RBFOX2: variants seen among roughly 807,000 people sequenced by gnomAD.
RBFOX2 encodes RNA binding protein fox-1 homolog 2.
In RBFOX2, 10 loss-of-function variants were observed where a neutral mutation model predicts 49.1. That is an observed-to-expected ratio of 0.20 (90% CI 0.13 to 0.35). The LOEUF is 0.35. Among genes scored for constraint, RBFOX2 ranks in the 10% least tolerant of loss-of-function variants. The probability of loss-of-function intolerance (pLI) is 1.00; values close to 1 mark genes in which losing one functional copy is unlikely to be tolerated. For synonymous variants in RBFOX2, 183 were observed against 187.4 expected (o/e 0.98, Z 0.19); for missense variants, 323 against 486.9 (o/e 0.66, Z 3.17).
intron 1 of RBFOX2, among the ~76,000 whole-genome samples, chr22:36,023,548 G>C (rs1156572202): frequency 6.6e-6 from 1 of 152,114 alleles, no homozygotes; most frequent in East Asian, 1.9e-4. Context: ...CTGACCAAAA[G>C]AATTCATTCC....
intron 1 of RBFOX2, among the ~76,000 whole-genome samples, chr22:35,952,192 T>C (rs1289861505): frequency 6.6e-6 from 1 of 152,198 alleles, no homozygotes; most frequent in Non-Finnish European, 1.5e-5. Context: ...ATCAAGCAAG[T>C]CCTGTGACTC....
chr22:35,880,242 G>A (rs563414391), intron 1 of RBFOX2, among the ~76,000 whole-genome samples: 86 of 152,200 alleles, frequency 5.7e-4, no homozygotes, highest in Non-Finnish European at 9.7e-4. Context: ...TAACAGGACC[G>A]CAGTGAGGGA....
At position 35,926,160 on chromosome 22, in the gene RBFOX2, G is replaced by C. The variant is rs563556986; in HGVS notation, c.-34+12687C>G. Among the ~76,000 whole-genome samples the C allele has an allele frequency of 7.2e-5, 11 of 152,314 alleles. No individual in the cohort carries two copies. The South Asian group carries it at 2.3e-3, about 32-fold the overall frequency. On this transcript the variant is annotated intron_variant, in intron 1 of 13. Coordinates refer to the RBFOX2 transcript ENST00000359369. Reference sequence around the variant, plus strand: ...CTAAATCATCTGCCAGTGACTGTCTGTTGAAGAACAAAGCACTGAATAAAT... The same window carrying C: ...CTAAATCATCTGCCAGTGACTGTCTCTTGAAGAACAAAGCACTGAATAAAT...
intron 1 of RBFOX2, among the ~76,000 whole-genome samples, chr22:36,020,413 T>A (rs992377325): frequency 6.6e-6 from 1 of 152,062 alleles, no homozygotes; most frequent in South Asian, 2.1e-4. Flanking sequence ...CTAATTAAAC[T>A]AAAGAGCTTC....
chr22:35,794,866 T>G (rs947146399), intron 2 of RBFOX2, among the ~76,000 whole-genome samples: 1 of 152,168 alleles, frequency 6.6e-6, no homozygotes, highest in Non-Finnish European at 1.5e-5. Flanking sequence ...CCTAGCAATT[T>G]TTTAGTTTAG....
chr22:35,896,243 C>A (rs929320137), intron 1 of RBFOX2, among the ~76,000 whole-genome samples: 16 of 152,180 alleles, frequency 1.1e-4, no homozygotes. Context: ...GGAGACCTAA[C>A]ATCTCGTCTT....
intron 1 of RBFOX2, among the ~76,000 whole-genome samples, chr22:35,926,628 C>G (rs943668265): frequency 6.6e-5 from 10 of 152,180 alleles, no homozygotes; most frequent in Admixed American, 3.9e-4. Context: ...AAAAGTCAAA[C>G]TGCGGCATAA....
At chr22:35,996,963 T>C (rs981291400) in intron 1 of RBFOX2, 1 of 152,144 alleles carries the variant, frequency 6.6e-6, no homozygotes, top group Non-Finnish European at 1.5e-5. Context: ...ACACCACAAG[T>C]CCAGATACTG....
In RBFOX2 at chr22:35,768,240, T is replaced by C. The variant is rs756025165; in HGVS notation, c.546+17A>G. Reference sequence around the variant, plus strand: ...ATAAAAATATAAACCAGAAATTGAATTATTAAAGACATGCACCTCGATTTT... The same window carrying C: ...ATAAAAATATAAACCAGAAATTGAACTATTAAAGACATGCACCTCGATTTT... On this transcript the variant is annotated intron_variant, in intron 5 of 11. Coordinates refer to ENST00000405409, the Ensembl canonical transcript of RBFOX2. 2 of 1,605,068 alleles carry C rather than the reference T, an allele frequency of 1.2e-6. 1 individual carries two copies. The highest frequency in any genetic ancestry group is 2.2e-5 in the South Asian group (2 of 89,678).
intron 1 of RBFOX2, among the ~76,000 whole-genome samples, chr22:35,937,186 G>C (rs909897207): frequency 2.0e-5 from 3 of 152,156 alleles, no homozygotes; most frequent in African/African-American, 7.2e-5. Context: ...AAACTCCGTG[G>C]GGTGGATCTC....
At chr22:35,834,323 T>C (rs768662183) in intron 1 of RBFOX2, among the ~76,000 whole-genome samples, 4 of 152,214 alleles carry the variant, frequency 2.6e-5, no homozygotes, top group Non-Finnish European at 5.9e-5. Context: ...CTTAGAACGG[T>C]ATCTGATATT....
intron 1 of RBFOX2, among the ~76,000 whole-genome samples, chr22:35,977,010 T>TA (rs548436024): frequency 1.1e-3 from 159 of 151,028 alleles, no homozygotes; most frequent in African/African-American, 3.6e-3. Flanking sequence ...CCACTCATTT[T>TA]AAAAAAATGT....
At chr22:35,869,032 C>T (rs913577977) in intron 1 of RBFOX2, among the ~76,000 whole-genome samples, 6 of 152,086 alleles carry the variant, frequency 3.9e-5, no homozygotes, top group Non-Finnish European at 7.3e-5. Flanking sequence ...TCACAGAAAC[C>T]TCAATCCCTT....
At chr22:35,852,772 C>T (rs181602399) in intron 1 of RBFOX2, among the ~76,000 whole-genome samples, 1 of 152,226 alleles carries the variant, frequency 6.6e-6, no homozygotes, top group Admixed American at 6.5e-5. Flanking sequence ...ACTTAAACTT[C>T]AAGAGTTAAC....
chr22:35,848,323 T>C (rs2041473294), intron 1 of RBFOX2, among the ~76,000 whole-genome samples: 1 of 152,212 alleles, frequency 6.6e-6, no homozygotes, highest in African/African-American at 2.4e-5. Context: ...AATCCACAAA[T>C]ATATCAAAAC....
At chr22:35,840,083 C>T (rs893683473) in intron 1 of RBFOX2, 5 of 1,438,306 alleles carry the variant, frequency 3.5e-6, no homozygotes, top group African/African-American at 2.8e-5. Context: ...CTGGTCTGTT[C>T]TAAGAAGACA....
At chr22:35,800,461 T>A (rs1272776273) in intron 2 of RBFOX2, among the ~76,000 whole-genome samples, 1 of 152,224 alleles carries the variant, frequency 6.6e-6, no homozygotes, top group Non-Finnish European at 1.5e-5. Flanking sequence ...CCCACTAGTC[T>A]CTGCCAAACA....
chr22:35,766,867 C>T lies in RBFOX2; in HGVS notation c.547-1384G>A, dbSNP rs1219561212. Among the ~76,000 whole-genome samples, 5 of 151,652 alleles carry T rather than the reference C, an allele frequency of 3.3e-5. No individual in the cohort carries two copies. The East Asian group carries it at 7.7e-4, about 23-fold the overall frequency. On this transcript the variant is annotated intron_variant, in intron 5 of 11. Coordinates refer to ENST00000405409, the Ensembl canonical transcript of RBFOX2. The stretch of plus-strand genomic sequence containing the variant: ...AGTCAGCAAAAGAGACCAACAGCTG[C>T]GTGTAACTGAAGGGATGGGAAAGGA...
chr22:35,757,086 C>T lies in RBFOX2; in HGVS notation c.887+2802G>A, dbSNP rs182324523. On this transcript the variant is annotated intron_variant, in intron 9 of 11. Coordinates refer to ENST00000405409, the Ensembl canonical transcript of RBFOX2. Reference sequence around the variant, plus strand: ...GAATTCTGAAAAATACAATTGATAACTGAAGTTCTGGGCTTGACCAAAGAT... The same window carrying T: ...GAATTCTGAAAAATACAATTGATAATTGAAGTTCTGGGCTTGACCAAAGAT... Among the ~76,000 whole-genome samples the T allele has an allele frequency of 2.6e-5, 4 of 152,052 alleles. No individual in the cohort carries two copies. In the East Asian group the frequency reaches 7.7e-4, roughly 29 times the overall value.
Sources: gnomAD v4.1 joint callset for allele counts (sites outside exome capture counted in the v4.1 genomes callset) on GRCh38, gnomAD v4.1.1 for gene constraint, MANE v1.5 for transcripts, NCBI Gene and HGNC (gene_info 2026-07-23, HGNC 2026-07-21) for gene names.